CFAP70: variants seen among roughly 807,000 people sequenced by gnomAD.
The protein encoded by CFAP70 is cilia and flagella associated protein 70.
Under a neutral mutation model 137.6 loss-of-function variants are expected in CFAP70, and 81 were observed. That is an observed-to-expected ratio of 0.59 (90% CI 0.49 to 0.71). The LOEUF is 0.71. Among genes scored for constraint, CFAP70 ranks in the 30% least tolerant of loss-of-function variants. CFAP70 has a pLI of 0.00. For synonymous variants in CFAP70, 382 were observed against 423.6 expected (o/e 0.90, Z 1.20); for missense variants, 976 against 1,226.7 (o/e 0.80, Z 3.05).
intron 12 of CFAP70, among the ~76,000 whole-genome samples, chr10:73,300,896 T>C (rs1297547855): frequency 6.6e-6 from 1 of 152,212 alleles, no homozygotes; most frequent in Non-Finnish European, 1.5e-5. Context: ...TACTGAGTGC[T>C]TATTTTCCAT....
chr10:73,301,584 C>T (rs540317627), intron 12 of CFAP70, among the ~76,000 whole-genome samples: 26 of 152,122 alleles, frequency 1.7e-4, no homozygotes, highest in Non-Finnish European at 3.7e-4. Context: ...GCTGCTTAGA[C>T]TTGGGGGTTC....
At position 73,323,829 on chromosome 10, in the gene CFAP70, C is replaced by A. The variant is rs2051118052; in HGVS notation, c.778-732G>T. On this transcript the variant is annotated intron_variant, in intron 8 of 26. Coordinates refer to ENST00000310715, the Ensembl canonical transcript of CFAP70. ...AGGTAAACAAAGCAGCCAGGAAGCT[C>A]CAACTGGGTGGAGCCCACCACAGCT... is the stretch of plus-strand genomic sequence containing the variant. Among the ~76,000 whole-genome samples, 7 of 152,342 alleles carry A rather than the reference C, an allele frequency of 4.6e-5. No homozygotes were observed. In the South Asian group the frequency reaches 1.2e-3, roughly 27 times the overall value.
At chr10:73,357,727 A>AT (rs2054781696) in intron 1 of CFAP70, among the ~76,000 whole-genome samples, 1 of 152,192 alleles carries the variant, frequency 6.6e-6, no homozygotes, top group African/African-American at 2.4e-5. Context: ...GATTACCTGC[A>AT]TTTAGTCGCT....
chr10:73,260,359 AC>A (rs1245062589), intron 25 of CFAP70, among the ~76,000 whole-genome samples: 1 of 152,146 alleles, frequency 6.6e-6, no homozygotes, highest in Non-Finnish European at 1.5e-5. Flanking sequence ...AGGTCTTTAA[AC>A]CAGTTGGAAT....
exon 8 of CFAP70, chr10:73,331,268 T>C: frequency 1.9e-6 from 3 of 1,612,868 alleles, no homozygotes; most frequent in Non-Finnish European, 2.5e-6. Context: ...GGCAATTCGC[T>C]TCTGAAAACT....
In CFAP70 at chr10:73,316,497, T is replaced by G. The variant is rs536356247; in HGVS notation, c.913-3854A>C. ...ATATATATAGATATAGATATATATATATATATATATATATATGACGTACAC... is the reference window on the plus strand; with the variant it reads ...ATATATATAGATATAGATATATATAGATATATATATATATATGACGTACAC... On this transcript the variant is annotated intron_variant, in intron 9 of 26. Coordinates refer to ENST00000310715, the Ensembl canonical transcript of CFAP70. 2.0e-4 allele frequency among the ~76,000 whole-genome samples: 27 copies of G among 134,398 alleles called. No homozygotes were observed. In the South Asian group the frequency reaches 2.1e-3, roughly 10 times the overall value. The allele number at this position is 134,398 out of a possible 152,430, so 88.2% of individuals were successfully genotyped here.
At chr10:73,272,904 A>C (rs1037434874) in intron 24 of CFAP70, 24 bp downstream of exon 25, 6 of 1,545,798 alleles carry the variant, frequency 3.9e-6, no homozygotes, top group Non-Finnish European at 4.4e-6. Flanking sequence ...CCACAGCCCT[A>C]GTCTCAAGCC....
intron 3 of CFAP70, among the ~76,000 whole-genome samples, chr10:73,351,491 T>C (rs1315292192): frequency 6.6e-6 from 1 of 151,938 alleles, no homozygotes; most frequent in African/African-American, 2.4e-5. Flanking sequence ...TGGAGTGCAG[T>C]GGTATGATCT....
At chr10:73,290,224 C>T (rs1449916436) in intron 19 of CFAP70, among the ~76,000 whole-genome samples, 1 of 152,076 alleles carries the variant, frequency 6.6e-6, no homozygotes, top group African/African-American at 2.4e-5. Context: ...TAAGCAACAA[C>T]ATGTTTAAAT....
chr10:73,317,747 A>C (rs1411544017), intron 9 of CFAP70, among the ~76,000 whole-genome samples: 1 of 152,186 alleles, frequency 6.6e-6, no homozygotes, highest in Non-Finnish European at 1.5e-5. Flanking sequence ...ATCTCATGTT[A>C]AAATGTGAGC....
At chr10:73,259,160 C>A (rs2044867583) in intron 25 of CFAP70, among the ~76,000 whole-genome samples, 2 of 151,940 alleles carry the variant, frequency 1.3e-5, no homozygotes, top group Admixed American at 1.3e-4. Flanking sequence ...CCCCTGGACA[C>A]CCAGATTTAA....
At chr10:73,336,797 C>T (rs1319874318) in intron 6 of CFAP70, among the ~76,000 whole-genome samples, 2 of 151,790 alleles carry the variant, frequency 1.3e-5, no homozygotes, top group Non-Finnish European at 2.9e-5. Flanking sequence ...ACCGTGGTCT[C>T]GATCTCCTGA....
chr10:73,298,348 G>T (rs1032325193), intron 14 of CFAP70, among the ~76,000 whole-genome samples: 1 of 152,184 alleles, frequency 6.6e-6, no homozygotes, highest in Non-Finnish European at 1.5e-5. Flanking sequence ...TGATTATTAA[G>T]TTAACTATTT....
chr10:73,268,323 A>C (rs1234877860), intron 25 of CFAP70, among the ~76,000 whole-genome samples: 3 of 152,194 alleles, frequency 2.0e-5, no homozygotes, highest in Non-Finnish European at 4.4e-5. Flanking sequence ...TTGTTGATTT[A>C]TAATTTTACT....
rs138434659 is a variant in CFAP70, at chr10:73,347,994, G to A, written c.349+429C>T. Among the ~76,000 whole-genome samples the A allele has an allele frequency of 2.0e-3, 309 of 152,198 alleles. 2 individuals carry two copies. Among genetic ancestry groups the A allele is most frequent in the Admixed American group, 5.0e-3 (76 of 15,280 alleles). On this transcript the variant is annotated intron_variant, in intron 4 of 26. Coordinates refer to ENST00000310715, the Ensembl canonical transcript of CFAP70. ...TGTAGACTGTGGGCTTTTCAAAGTAGGACTCTGCCTTATTATCTTTGTTTC... is the reference window on the plus strand; with the variant it reads ...TGTAGACTGTGGGCTTTTCAAAGTAAGACTCTGCCTTATTATCTTTGTTTC...
At chr10:73,359,616 C>G (rs376831939), upstream of CFAP70, among the ~76,000 whole-genome samples, 3 of 152,110 alleles carry the variant, frequency 2.0e-5, no homozygotes, top group East Asian at 5.8e-4. Context: ...AGGATGCCAA[C>G]CCAGAAGTGT....
chr10:73,305,053 A>C (rs1317132542), intron 12 of CFAP70, among the ~76,000 whole-genome samples: 1 of 152,216 alleles, frequency 6.6e-6, no homozygotes, highest in African/African-American at 2.4e-5. Flanking sequence ...CAAAGGTGGC[A>C]GCCTGGATTT....
chr10:73,344,339 A>C (rs1018998346), intron 5 of CFAP70, among the ~76,000 whole-genome samples: 3 of 152,258 alleles, frequency 2.0e-5, no homozygotes, highest in Non-Finnish European at 4.4e-5. Context: ...TTAATTATCA[A>C]AATTAGCAAA....
In CFAP70 at chr10:73,350,958, T is replaced by C. The variant is rs897946190; in HGVS notation, c.251-2437A>G. Among the ~76,000 whole-genome samples the C allele has an allele frequency of 4.0e-5, 6 of 149,612 alleles. No individual in the cohort carries two copies. The East Asian group carries it at 1.2e-3, about 29-fold the overall frequency. Reference sequence around the variant, plus strand: ...GTGTATATATGTGTGTGTGTGTGTATGTGTGTGTATATGTATGTGTGTGTG... The same window carrying C: ...GTGTATATATGTGTGTGTGTGTGTACGTGTGTGTATATGTATGTGTGTGTG... On this transcript the variant is annotated intron_variant, in intron 3 of 26. Transcript: ENST00000310715.
Sources: allele counts gnomAD v4.1 joint callset (sites outside exome capture counted in the v4.1 genomes callset), GRCh38; gene constraint gnomAD v4.1.1; transcripts MANE v1.5; gene names NCBI Gene and HGNC (gene_info 2026-07-23, HGNC 2026-07-21).